Variants in SHISA9 observed in about 807,000 individuals in gnomAD.
SHISA9 encodes shisa family member 9, also known as protein shisa-9.
SHISA9 carries 13 observed loss-of-function variants against 38.0 expected under a neutral mutation model. The ratio of observed to expected loss-of-function variants is 0.34; its 90% CI spans 0.22 to 0.54. The LOEUF is 0.54. SHISA9 is among the 20% of genes least tolerant of loss of function. SHISA9 has a pLI of 0.91. For missense variants in SHISA9, 538 were observed against 575.8 expected, an observed-to-expected ratio of 0.93 and a Z score of 0.67; for synonymous variants, 275 against 242.0, an observed-to-expected ratio of 1.14 and a Z score of -1.27.
At chr16:13,196,951 G>C (rs1198256197) in intron 2 of SHISA9, among the ~76,000 whole-genome samples, 2 of 152,094 alleles carry the variant, frequency 1.3e-5, no homozygotes, top group Non-Finnish European at 2.9e-5. Context: ...AACATTAGCC[G>C]GACATGGTGG....
At chr16:12,961,028 G>C (rs376337956) in intron 2 of SHISA9, among the ~76,000 whole-genome samples, 1 of 151,866 alleles carries the variant, frequency 6.6e-6, no homozygotes, top group Non-Finnish European at 1.5e-5. Context: ...TAACATGTGG[G>C]GGGGATGATG....
At chr16:13,487,665 A>C in the SHISA9 span, among the ~76,000 whole-genome samples, 2 of 152,238 alleles carry the variant, frequency 1.3e-5, no homozygotes, top group African/African-American at 4.8e-5. Context: ...ATCACTCCAT[A>C]TACTTTAAAT....
the SHISA9 span, among the ~76,000 whole-genome samples, chr16:13,423,019 G>T: frequency 1.3e-5 from 2 of 152,160 alleles, no homozygotes; most frequent in Non-Finnish European, 2.9e-5. Context: ...CACTAATCAG[G>T]TGCATGGTCT....
the SHISA9 span, among the ~76,000 whole-genome samples, chr16:13,376,061 A>G: frequency 6.6e-5 from 10 of 152,234 alleles, no homozygotes; most frequent in Non-Finnish European, 1.3e-4. Context: ...TGATGGAAGA[A>G]GTCCATCTTG....
chr16:13,092,237 C>A (rs948777826), intron 2 of SHISA9, among the ~76,000 whole-genome samples: 1 of 152,194 alleles, frequency 6.6e-6, no homozygotes, highest in African/African-American at 2.4e-5. Flanking sequence ...TGTCTGTTGG[C>A]CCCTGCTGGG....
chr16:12,973,076 G>A (rs945204521), intron 2 of SHISA9, among the ~76,000 whole-genome samples: 8 of 152,046 alleles, frequency 5.3e-5, no homozygotes, highest in Non-Finnish European at 7.4e-5. Flanking sequence ...AGATTGTGCC[G>A]CTGTACTCCA....
At chr16:12,940,769 A>C (rs1440222047) in intron 2 of SHISA9, among the ~76,000 whole-genome samples, 4 of 152,106 alleles carry the variant, frequency 2.6e-5, no homozygotes, top group Non-Finnish European at 5.9e-5. Flanking sequence ...GTCTCTTTCT[A>C]ATGGTGTAAC....
chr16:13,421,045 G>T, the SHISA9 span, among the ~76,000 whole-genome samples: 3 of 152,166 alleles, frequency 2.0e-5, no homozygotes, highest in East Asian at 5.8e-4. Flanking sequence ...AATTAAACTG[G>T]CACCAATTAA....
chr16:13,345,686 A>G, the SHISA9 span, among the ~76,000 whole-genome samples: 1 of 151,596 alleles, frequency 6.6e-6, no homozygotes, highest in Non-Finnish European at 1.5e-5. Context: ...CACTGTCTCC[A>G]CAATGGCTGA....
chr16:13,109,735 T>C (rs1163220154), intron 2 of SHISA9, among the ~76,000 whole-genome samples: 1 of 152,176 alleles, frequency 6.6e-6, no homozygotes, highest in African/African-American at 2.4e-5. Flanking sequence ...ATGTGTCTTT[T>C]CTGGACATTA....
the SHISA9 span, among the ~76,000 whole-genome samples, chr16:13,346,711 A>G: frequency 1.3e-5 from 2 of 152,158 alleles, no homozygotes; most frequent in Non-Finnish European, 2.9e-5. Flanking sequence ...AGTGGTGTCT[A>G]CCCAAAGGAA....
the SHISA9 span, among the ~76,000 whole-genome samples, chr16:13,355,990 G>C: frequency 1.2e-3 from 181 of 152,290 alleles, 1 homozygote; most frequent in Non-Finnish European, 2.2e-4. Context: ...CCCAGGCTGC[G>C]GGCATTCCTT....
At chr16:13,171,786 A>G (rs2050688740) in intron 2 of SHISA9, among the ~76,000 whole-genome samples, 1 of 152,146 alleles carries the variant, frequency 6.6e-6, no homozygotes, top group Non-Finnish European at 1.5e-5. Flanking sequence ...CCACTGGAGC[A>G]ACGTAGGTGA....
the SHISA9 span, among the ~76,000 whole-genome samples, chr16:13,292,872 A>T: frequency 6.6e-6 from 1 of 152,206 alleles, no homozygotes; most frequent in African/African-American, 2.4e-5. Context: ...CCTTGATCCC[A>T]GAAGTCATCT....
At chr16:13,121,801 T>A (rs2050212835) in intron 2 of SHISA9, among the ~76,000 whole-genome samples, 2 of 149,482 alleles carry the variant, frequency 1.3e-5, no homozygotes, top group Admixed American at 1.4e-4. Context: ...GCTTTTATAA[T>A]AGGTCACAAC....
intron 2 of SHISA9, among the ~76,000 whole-genome samples, chr16:12,998,154 C>A (rs2072481398): frequency 6.6e-6 from 1 of 152,158 alleles, no homozygotes; most frequent in African/African-American, 2.4e-5. Context: ...GCTGAACACG[C>A]CTAGTTTCTG....
rs114663293 is a variant in SHISA9, at chr16:13,139,246, T to G, written c.692-64148T>G. ...ACTCCCTTCCTTTCTTCTTGCCATC[T>G]TTCTTTTCTTTCTAATTCCCTTCCT... On this transcript the variant is annotated intron_variant, in intron 2 of 4. Coordinates refer to ENST00000558583, the MANE Select transcript of SHISA9 (RefSeq NM_001145204.3). 8.8e-3 allele frequency among the ~76,000 whole-genome samples: 1,327 copies of G among 150,692 alleles called. 18 individuals are homozygous for G. Among genetic ancestry groups the G allele is most frequent in the African/African-American group, 0.031 (1,271 of 41,064 alleles).
At chr16:13,122,880 C>T (rs1005357911) in intron 2 of SHISA9, among the ~76,000 whole-genome samples, 1 of 152,102 alleles carries the variant, frequency 6.6e-6, no homozygotes, top group African/African-American at 2.4e-5. Flanking sequence ...AACCTCATCC[C>T]AACTAAAAAT....
chr16:13,115,887 C>G (rs1242667434), intron 2 of SHISA9, among the ~76,000 whole-genome samples: 1 of 152,194 alleles, frequency 6.6e-6, no homozygotes, highest in African/African-American at 2.4e-5. Flanking sequence ...GTTTCTTCCT[C>G]AGAAATACCT....
Sources: gnomAD v4.1 joint callset for allele counts (sites outside exome capture counted in the v4.1 genomes callset) on GRCh38, gnomAD v4.1.1 for gene constraint, MANE v1.5 for transcripts, NCBI Gene and HGNC (gene_info 2026-07-23, HGNC 2026-07-21) for gene names.